Variants in DLG2 observed in about 807,000 individuals in gnomAD.
DLG2 encodes the protein discs large MAGUK scaffold protein 2.
In DLG2, 45 loss-of-function variants were observed where a neutral mutation model predicts 132.5. That is an observed-to-expected ratio of 0.34 (90% CI 0.27 to 0.44). DLG2 has a LOEUF of 0.44. DLG2 is among the 20% of genes least tolerant of loss of function. The pLI is 1.00. For synonymous variants in DLG2, 424 were observed against 419.6 expected (o/e 1.01, Z -0.13); for missense variants, 1,045 against 1,196.9 (o/e 0.87, Z 1.87).
chr11:85,416,923 A>G (rs1320741881), intron 3 of DLG2, among the ~76,000 whole-genome samples: 1 of 152,132 alleles, frequency 6.6e-6, no homozygotes, highest in Non-Finnish European at 1.5e-5. Flanking sequence ...TCCTATTTGA[A>G]TATGCTTTAT....
chr11:84,934,358 G>A (rs944338329), intron 6 of DLG2, among the ~76,000 whole-genome samples: 2 of 151,544 alleles, frequency 1.3e-5, no homozygotes, highest in Non-Finnish European at 2.9e-5. Context: ...TTTTTGCTAG[G>A]TTTGGGTATC....
intron 7 of DLG2, among the ~76,000 whole-genome samples, chr11:84,490,835 G>A (rs1440680979): frequency 1.3e-5 from 2 of 151,814 alleles, no homozygotes; most frequent in African/African-American, 4.8e-5. Context: ...GTTCTGGAGA[G>A]TAGGAATAAT....
At chr11:84,447,503 C>T (rs1244972530) in intron 7 of DLG2, among the ~76,000 whole-genome samples, 1 of 152,018 alleles carries the variant, frequency 6.6e-6, no homozygotes, top group Non-Finnish European at 1.5e-5. Flanking sequence ...GTGTTTTCTC[C>T]CCTTTTATGC....
chr11:83,778,333 T>C (rs1225011751), intron 18 of DLG2, among the ~76,000 whole-genome samples: 1 of 152,156 alleles, frequency 6.6e-6, no homozygotes, highest in Non-Finnish European at 1.5e-5. Flanking sequence ...TAATGATAGA[T>C]GTGAATCTAA....
intron 4 of DLG2, among the ~76,000 whole-genome samples, chr11:85,248,714 A>G (rs2076256565): frequency 6.6e-6 from 1 of 152,116 alleles, no homozygotes; most frequent in Non-Finnish European, 1.5e-5. Flanking sequence ...ATAGGGAAAG[A>G]AATAAGGAAG....
chr11:83,804,781 T>G (rs1332843527), intron 17 of DLG2, among the ~76,000 whole-genome samples: 1 of 152,150 alleles, frequency 6.6e-6, no homozygotes, highest in Admixed American at 6.6e-5. Flanking sequence ...ATTTAATATA[T>G]TGCACCTATT....
At chr11:84,711,074 T>C (rs1000772876) in intron 6 of DLG2, among the ~76,000 whole-genome samples, 3 of 149,966 alleles carry the variant, frequency 2.0e-5, no homozygotes, top group African/African-American at 7.3e-5. Context: ...TGTTTTCTAC[T>C]ATTTAAATGT....
intron 6 of DLG2, among the ~76,000 whole-genome samples, chr11:85,086,388 T>C (rs778719512): frequency 2.6e-5 from 4 of 152,128 alleles, no homozygotes; most frequent in African/African-American, 7.2e-5. Context: ...ACAATAGTTA[T>C]AGAAAGTGAA....
rs566692898 is a variant in DLG2, at chr11:84,733,631, C to A, written c.358-198900G>T. 2.0e-5 allele frequency among the ~76,000 whole-genome samples: 3 copies of A among 152,252 alleles called. No homozygotes were observed. The East Asian group carries it at 5.8e-4, about 29-fold the overall frequency. On this transcript the variant is annotated intron_variant, in intron 6 of 27. Coordinates refer to ENST00000376104, the MANE Select transcript of DLG2 (RefSeq NM_001142699.3). ...TAGTTTCTTTTGCTGTGCAGAAGCT[C>A]TTTAGTTTAATTAAATCCCATTTGT... is the stretch of plus-strand genomic sequence containing the variant.
intron 8 of DLG2, among the ~76,000 whole-genome samples, chr11:84,186,353 C>G (rs1269904998): frequency 1.3e-5 from 2 of 151,828 alleles, no homozygotes; most frequent in African/African-American, 4.8e-5. Flanking sequence ...ATTCATTTTT[C>G]TTTAAAAATG....
At chr11:84,914,080 T>C (rs145448478) in intron 6 of DLG2, among the ~76,000 whole-genome samples, 9 of 152,324 alleles carry the variant, frequency 5.9e-5, no homozygotes, top group African/African-American at 2.2e-4. Context: ...GTGTACCTTT[T>C]TAAAGTTGTA....
chr11:83,802,938 A>T (rs1486625621), intron 17 of DLG2, among the ~76,000 whole-genome samples: 1 of 152,148 alleles, frequency 6.6e-6, no homozygotes, highest in Non-Finnish European at 1.5e-5. Flanking sequence ...ATTTCATTTT[A>T]TAGCCCTTAA....
intron 9 of DLG2, among the ~76,000 whole-genome samples, chr11:84,156,857 G>A (rs986643387): frequency 1.3e-5 from 2 of 152,108 alleles, no homozygotes; most frequent in African/African-American, 4.8e-5. Flanking sequence ...TCTAATAGTG[G>A]CCTCCCCAGC....
rs187762200 is a variant in DLG2 at position 83,457,668 on chromosome 11, A to C, written c.*2150T>G. On this transcript the variant is annotated 3_prime_UTR_variant, in exon 28 of 28. Transcript: ENST00000376104. ...GCTCAGTTGAGAAACCAAAGAAGTTATCGTGGTGGCCTAAAAATAGAGCTG... is the reference window on the plus strand; with the variant it reads ...GCTCAGTTGAGAAACCAAAGAAGTTCTCGTGGTGGCCTAAAAATAGAGCTG... The C allele has an allele frequency of 9.8e-5, 15 of 152,476 alleles. No homozygotes were observed. Among genetic ancestry groups the C allele is most frequent in the Non-Finnish European group, 1.9e-4 (13 of 68,026 alleles). The allele number at this position is 152,476 out of a possible 1,614,324, so 9.4% of individuals were successfully genotyped here. A position where few individuals can be genotyped will look rare whatever the true frequency, so the allele number is the denominator to read the frequency against.
chr11:85,014,047 A>C (rs1395081612), intron 6 of DLG2, among the ~76,000 whole-genome samples: 1 of 152,224 alleles, frequency 6.6e-6, no homozygotes, highest in Non-Finnish European at 1.5e-5. Context: ...AGAGGACTCC[A>C]ATATCAAGAA....
intron 6 of DLG2, among the ~76,000 whole-genome samples, chr11:84,964,293 A>T (rs960118657): frequency 3.9e-5 from 6 of 152,124 alleles, no homozygotes; most frequent in African/African-American, 1.4e-4. Context: ...ATTTCCAGAT[A>T]ATATCTGATC....
At chr11:85,537,692 T>C (rs2075689772) in intron 3 of DLG2, among the ~76,000 whole-genome samples, 1 of 151,864 alleles carries the variant, frequency 6.6e-6, no homozygotes, top group African/African-American at 2.4e-5. Context: ...CTTTAAGAGC[T>C]GTAACACTCA....
At chr11:85,265,222 C>G (rs777503889) in intron 4 of DLG2, among the ~76,000 whole-genome samples, 1 of 152,144 alleles carries the variant, frequency 6.6e-6, no homozygotes, top group Non-Finnish European at 1.5e-5. Context: ...ATCTGCATGA[C>G]CCCACTGAAC....
rs553943054 is a variant in DLG2, at chr11:84,703,394, A to T, written c.358-168663T>A. Among the ~76,000 whole-genome samples, 3 of 151,712 alleles carry T rather than the reference A, an allele frequency of 2.0e-5. No homozygotes were observed. The South Asian group carries it at 6.2e-4, about 31-fold the overall frequency. On this transcript the variant is annotated intron_variant, in intron 6 of 27. Coordinates refer to ENST00000376104, the MANE Select transcript of DLG2 (RefSeq NM_001142699.3). ...TTCTTTCCTCAGATTAGATTTGAAC[A>T]AAGCCATAGGATAATGAAGATGATG...
Sources: allele counts gnomAD v4.1 joint callset (sites outside exome capture counted in the v4.1 genomes callset), GRCh38; gene constraint gnomAD v4.1.1; transcripts MANE v1.5; gene names NCBI Gene and HGNC (gene_info 2026-07-23, HGNC 2026-07-21).